Variants in ATL1 observed in about 807,000 individuals in gnomAD.
The protein encoded by ATL1 is atlastin-1.
In ATL1, 31 loss-of-function variants were observed where a neutral mutation model predicts 75.5. That is an observed-to-expected ratio of 0.41 (90% confidence interval 0.31 to 0.55). The LOEUF is 0.55. ATL1 is among the 20% of genes least tolerant of loss of function. The probability of loss-of-function intolerance (pLI) is 0.27; values close to 1 mark genes in which losing one functional copy is unlikely to be tolerated. For synonymous variants in ATL1, 226 were observed against 233.3 expected (o/e 0.97, Z 0.28); for missense variants, 405 against 662.6 (o/e 0.61, Z 4.27).
At position 50,628,247 on chromosome 14, in the gene ATL1, C is replaced by T; in HGVS notation, c.1336C>T (p.Arg446Cys). ...NDSKNIFHAARTPATLFVVIF... is the reference protein window; with the variant it reads ...NDSKNIFHAACTPATLFVVIF... ...TAGCAAAAATATCTTCCATGCAGCT[C>T]GTACCCCAGCCACACTGTTTGTAGT... is the stretch of plus-strand genomic sequence containing the variant. The change falls in exon 12 of 14, where the codon CGT becomes TGT. Residue 446 changes from arginine to cysteine, a missense_variant. Physicochemically the swap from Arg to Cys is radical, Grantham distance 180. Coordinates refer to ENST00000358385, the MANE Select transcript of ATL1 (RefSeq NM_015915.5). 1.9e-6 allele frequency: 3 copies of T among 1,614,144 alleles called. No homozygotes were observed. The highest frequency in any genetic ancestry group is 8.5e-7 in the Non-Finnish European group (1 of 1,180,016).
intron 10 of ATL1, among the ~76,000 whole-genome samples, chr14:50,622,913 AAATATT>A (rs2039481744): frequency 6.6e-6 from 1 of 152,188 alleles, no homozygotes; most frequent in Admixed American, 6.5e-5. Flanking sequence ...GCAGGCTAAA[AAATATT>A]TTTTGAGAGG....
At chr14:50,579,714 G>T (rs917079232) in intron 1 of ATL1, among the ~76,000 whole-genome samples, 1 of 152,098 alleles carries the variant, frequency 6.6e-6, no homozygotes, top group Non-Finnish European at 1.5e-5. Flanking sequence ...AGATTTCAGT[G>T]GTATGTTGGA....
At chr14:50,533,617 A>G (rs983897172) in intron 1 of ATL1, among the ~76,000 whole-genome samples, 7 of 152,176 alleles carry the variant, frequency 4.6e-5, no homozygotes, top group African/African-American at 9.7e-5. Flanking sequence ...CTAGAGCCTC[A>G]TAGAGAATTT....
At chr14:50,539,585 A>G (rs2038535834) in intron 1 of ATL1, among the ~76,000 whole-genome samples, 1 of 152,244 alleles carries the variant, frequency 6.6e-6, no homozygotes, top group Admixed American at 6.5e-5. Context: ...GAGATGGCCT[A>G]GAACCTATGA....
chr14:50,565,133 A>G (rs939638512), intron 1 of ATL1, among the ~76,000 whole-genome samples: 2 of 151,468 alleles, frequency 1.3e-5, no homozygotes, highest in Middle Eastern at 3.2e-3. Flanking sequence ...CTAAAAATGT[A>G]AAAAAAATTA....
At chr14:50,597,227 A>AAAAAAAAAAG (rs1555364382) in intron 6 of ATL1, among the ~76,000 whole-genome samples, 22 of 150,386 alleles carry the variant, frequency 1.5e-4, no homozygotes, top group African/African-American at 2.4e-4. Flanking sequence ...AAACAAAAAA[A>AAAAAAAAAAG]AAAAAAGAAA....
chr14:50,574,627 CGGGAATT>C (rs2038983960), intron 1 of ATL1, among the ~76,000 whole-genome samples: 1 of 151,990 alleles, frequency 6.6e-6, no homozygotes, highest in South Asian at 2.1e-4. Context: ...TTTTTCTTAG[CGGGAATT>C]GTGCCTTCCA....
chr14:50,592,609 CAAAT>C (rs1435636459), intron 4 of ATL1, among the ~76,000 whole-genome samples: 1 of 151,784 alleles, frequency 6.6e-6, no homozygotes, highest in Non-Finnish European at 1.5e-5. Flanking sequence ...TTTCAGTTGA[CAAAT>C]AAAAATTATA....
At chr14:50,560,410 G>C in intron 1 of ATL1, 111 bp downstream of exon 1, 1 of 1,397,258 alleles carries the variant, frequency 7.2e-7, no homozygotes, top group East Asian at 2.5e-5. Context: ...TGCGTCCACG[G>C]CTGGGAGACG....
intron 12 of ATL1, chr14:50,628,719 TTTC>T (rs549832816): frequency 4.5e-4 from 248 of 552,700 alleles, no homozygotes; most frequent in Admixed American, 7.3e-4. Flanking sequence ...TATACTTTTT[TTTC>T]TTTTTTTGGG....
intron 1 of ATL1, among the ~76,000 whole-genome samples, chr14:50,574,121 T>G (rs1378340226): frequency 6.6e-6 from 1 of 152,114 alleles, no homozygotes; most frequent in African/African-American, 2.4e-5. Flanking sequence ...GGACTGAATA[T>G]CCTTATACTC....
Position 50,613,327 on chromosome 14 carries a change from C to T in ATL1, c.699C>T (p.Ala233=), listed in dbSNP as rs1347858003. The change falls in exon 7 of 14, where the codon GCC becomes GCT. Residue 233 remains alanine, a synonymous_variant. Transcript: ENST00000358385. The part of the protein sequence containing the change: ...YEFSYGADGG[A]KFLEKRLKVS... Reference sequence around the variant, plus strand: ...TTTCATATGGAGCCGATGGTGGTGCCAAATTCTTGGAAAAACGCCTCAAGG... The same window carrying T: ...TTTCATATGGAGCCGATGGTGGTGCTAAATTCTTGGAAAAACGCCTCAAGG... The T allele has an allele frequency of 1.9e-6, 3 of 1,612,922 alleles. No individual in the cohort carries two copies. The highest frequency in any genetic ancestry group is 1.3e-5 in the African/African-American group (1 of 74,806).
At chr14:50,630,395 C>T (rs1056128229) in intron 13 of ATL1, among the ~76,000 whole-genome samples, 3 of 152,166 alleles carry the variant, frequency 2.0e-5, no homozygotes, top group African/African-American at 7.2e-5. Flanking sequence ...TAGCTACAAC[C>T]TTTAGAAGTT....
upstream of ATL1, among the ~76,000 whole-genome samples, chr14:50,557,604 G>T (rs1164981432): frequency 6.6e-6 from 1 of 152,096 alleles, no homozygotes; most frequent in Non-Finnish European, 1.5e-5. Flanking sequence ...TGGGCATTCA[G>T]GTTGTTTCCA....
intron 1 of ATL1, chr14:50,572,227 T>C (rs1028266277): frequency 3.5e-4 from 85 of 240,966 alleles, no homozygotes; most frequent in Admixed American, 2.0e-3. Flanking sequence ...ATCAAGGTTA[T>C]ACTAATTTTA....
chr14:50,587,804 T>C, intron 1 of ATL1, 27 bp from the exon 2 acceptor site: 1 of 1,614,108 alleles, frequency 6.2e-7, no homozygotes, highest in Non-Finnish European at 8.5e-7. Flanking sequence ...GATGATTAGC[T>C]GAACCAGTCA....
At chr14:50,574,464 T>C (rs1468861806) in intron 1 of ATL1, among the ~76,000 whole-genome samples, 1 of 152,200 alleles carries the variant, frequency 6.6e-6, no homozygotes, top group Non-Finnish European at 1.5e-5. Flanking sequence ...CTTAGAATGA[T>C]TGAGCATGAC....
intron 6 of ATL1, among the ~76,000 whole-genome samples, chr14:50,611,918 C>T (rs751004540): frequency 1.3e-5 from 2 of 152,088 alleles, no homozygotes; most frequent in African/African-American, 2.4e-5. Flanking sequence ...TAGTTATAAA[C>T]GCAAAAGAAA....
intron 8 of ATL1, among the ~76,000 whole-genome samples, chr14:50,616,012 G>T (rs1016414293): frequency 6.6e-6 from 1 of 152,024 alleles, no homozygotes; most frequent in African/African-American, 2.4e-5. Context: ...TTTATTTTTA[G>T]ATACAGGGTC....
Sources: allele counts gnomAD v4.1 joint callset (sites outside exome capture counted in the v4.1 genomes callset), GRCh38; gene constraint gnomAD v4.1.1; transcripts MANE v1.5; gene names NCBI Gene and HGNC (gene_info 2026-07-23, HGNC 2026-07-21).